The following MTMR7 variants were observed in gnomAD, a reference collection of about 807,000 sequenced individuals.
MTMR7 encodes phosphatidylinositol-3-phosphate phosphatase MTMR7.
Under a neutral mutation model 81.2 loss-of-function variants are expected in MTMR7, and 76 were observed. The ratio of observed to expected loss-of-function variants is 0.94; its 90% CI spans 0.78 to 1.13. The LOEUF (loss-of-function observed/expected upper bound fraction) is 1.13, where lower values mean the gene tolerates loss of function less well. Ranked by LOEUF, MTMR7 falls within the 50% of genes most tolerant of loss-of-function variation. MTMR7 has a pLI of 0.00. For synonymous variants in MTMR7, 372 were observed against 289.8 expected, an observed-to-expected ratio of 1.28 and a Z score of -2.88; for missense variants, 1,044 against 820.0, an observed-to-expected ratio of 1.27 and a Z score of -3.34.
In MTMR7 at chr8:17,373,186, T is replaced by A. The variant is rs1330936039; in HGVS notation, c.79A>T (p.Thr27Ser). ...RVSPKKAALGTLYLTATHVIF... is the reference protein window; with the variant it reads ...RVSPKKAALGSLYLTATHVIF... Reference sequence around the variant, plus strand: ...ACATGGGTAGCCGTCAAATACAAAGTACCTAGAGCTGCTTTTTTAGGAGAC... The same window carrying A: ...ACATGGGTAGCCGTCAAATACAAAGAACCTAGAGCTGCTTTTTTAGGAGAC... The change falls in exon 2 of 14, where the codon ACT becomes TCT. Residue 27 changes from threonine (T) to serine (S), a missense_variant. Physicochemically the swap from Thr to Ser is moderately conservative, Grantham distance 58 (BLOSUM62 1). Transcript: ENST00000180173. 1.2e-6 allele frequency: 2 copies of A among 1,613,726 alleles called. No individual in the cohort carries two copies. The highest frequency in any genetic ancestry group is 4.5e-5 in the East Asian group (2 of 44,884).
intron 5 of MTMR7, among the ~76,000 whole-genome samples, chr8:17,347,146 G>C (rs543661278): frequency 6.7e-6 from 1 of 149,652 alleles, no homozygotes; most frequent in South Asian, 2.1e-4. Flanking sequence ...AGTGAGCCAA[G>C]ATTGTGCCAC....
At chr8:17,373,319 T>G in intron 1 of MTMR7, 79 bp from the exon 2 acceptor site, 4 of 1,472,614 alleles carry the variant, frequency 2.7e-6, no homozygotes, top group Admixed American at 4.5e-5. Flanking sequence ...CAGGGTAAAC[T>G]CACACTTACT....
At chr8:17,328,401 C>G (rs911552574) in intron 7 of MTMR7, among the ~76,000 whole-genome samples, 2 of 152,164 alleles carry the variant, frequency 1.3e-5, no homozygotes, top group African/African-American at 4.8e-5. Context: ...CTATTCCAGG[C>G]TCTTCTACGG....
At chr8:17,338,258 T>C (rs1438472187) in intron 6 of MTMR7, among the ~76,000 whole-genome samples, 18 of 152,218 alleles carry the variant, frequency 1.2e-4, no homozygotes, top group Admixed American at 4.6e-4. Context: ...GCACTAAATA[T>C]ACCCTTCAAA....
intron 1 of MTMR7, among the ~76,000 whole-genome samples, chr8:17,395,200 G>A (rs918646773): frequency 6.6e-6 from 1 of 151,922 alleles, no homozygotes; most frequent in Non-Finnish European, 1.5e-5. Flanking sequence ...TATTTCACTT[G>A]TCTTCAATGT....
intron 3 of MTMR7, among the ~76,000 whole-genome samples, chr8:17,369,647 T>C (rs1011906988): frequency 7.1e-4 from 91 of 128,756 alleles, no homozygotes; most frequent in South Asian, 4.0e-3. Flanking sequence ...TTTTCTTTTT[T>C]TTTTTTTTTT....
Position 17,299,628 on chromosome 8 carries a change from G to C in MTMR7, c.*234C>G. ...CAGTGAATATAATTTTCATAGTCTA[G>C]GGTGAGCTTCAAAATGGTGAATAAT... On this transcript the variant is annotated 3_prime_UTR_variant, in exon 14 of 14. Transcript: ENST00000180173. 3.7e-6 allele frequency: 2 copies of C among 542,330 alleles called. No individual in the cohort carries two copies. The highest frequency in any genetic ancestry group is 6.5e-5 in the East Asian group (2 of 30,982). 33.6% of individuals were successfully genotyped at this position (542,330 alleles called of 1,614,324 possible).
At chr8:17,366,671 G>A (rs1351558345) in intron 3 of MTMR7, among the ~76,000 whole-genome samples, 1 of 152,098 alleles carries the variant, frequency 6.6e-6, no homozygotes, top group East Asian at 1.9e-4. Context: ...CGGATCATGA[G>A]GTCAGGAGGT....
intron 6 of MTMR7, among the ~76,000 whole-genome samples, chr8:17,336,641 G>A (rs531314476): frequency 3.9e-5 from 6 of 152,278 alleles, no homozygotes; most frequent in South Asian, 2.1e-4. Flanking sequence ...GTGAAATCAC[G>A]GGGCAGAACC....
chr8:17,300,392 G>A, intron 13 of MTMR7, 168 bp from the exon 14 acceptor site: 1 of 667,920 alleles, frequency 1.5e-6, no homozygotes, highest in Non-Finnish European at 2.5e-6. Context: ...GACAAAATCT[G>A]TGAGGCCTGC....
At chr8:17,372,946 C>G in intron 2 of MTMR7, 172 bp downstream of exon 2, 6 of 659,632 alleles carry the variant, frequency 9.1e-6, no homozygotes, top group South Asian at 6.6e-5. Flanking sequence ...AATAGTCGAT[C>G]AAGTAGATAC....
intron 1 of MTMR7, among the ~76,000 whole-genome samples, chr8:17,396,924 C>T (rs1013813734): frequency 2.0e-5 from 3 of 151,938 alleles, no homozygotes; most frequent in Non-Finnish European, 2.9e-5. Flanking sequence ...TTGTGAGGCC[C>T]CCATTCCAGG....
At chr8:17,312,475 TGA>T (rs1300047424) in intron 8 of MTMR7, among the ~76,000 whole-genome samples, 1 of 148,582 alleles carries the variant, frequency 6.7e-6, no homozygotes, top group Non-Finnish European at 1.5e-5. Flanking sequence ...CTTGGGAGGC[TGA>T]GACAGAAGAA....
At position 17,313,460 on chromosome 8, in the gene MTMR7, A is replaced by T. The variant is rs965812909; in HGVS notation, c.866-59T>A. On this transcript the variant is annotated intron_variant, in intron 7 of 13. Transcript: ENST00000180173. ...AAGGTACTCTCTCATTTTACATATG[A>T]TCATGTTTTATAGGTAGTTTGTTAA... is the stretch of plus-strand genomic sequence containing the variant. The T allele has an allele frequency of 1.0e-5, 11 of 1,086,022 alleles. No individual in the cohort carries two copies. In the African/African-American group the frequency reaches 1.4e-4, roughly 14 times the overall value. 67.3% of individuals were successfully genotyped at this position (1,086,022 alleles called of 1,614,324 possible). A position where few individuals can be genotyped will look rare whatever the true frequency, so the allele number is the denominator to read the frequency against.
At chr8:17,375,484 T>TGTTTTG (rs1363269142) in intron 1 of MTMR7, among the ~76,000 whole-genome samples, 1 of 144,612 alleles carries the variant, frequency 6.9e-6, no homozygotes, top group South Asian at 3.5e-4. Context: ...GCTTATGTTT[T>TGTTTTG]TTTTTTTTTT....
chr8:17,354,683 T>A (rs879437269), intron 4 of MTMR7, among the ~76,000 whole-genome samples: 10 of 152,176 alleles, frequency 6.6e-5, no homozygotes, highest in Non-Finnish European at 1.3e-4. Context: ...TCAAAGGATT[T>A]GTGAGAAGAA....
chr8:17,342,990 T>G (rs4921540), intron 5 of MTMR7, among the ~76,000 whole-genome samples: 15,055 of 151,912 alleles, frequency 0.099, 1,841 homozygotes, highest in East Asian at 0.63. Flanking sequence ...AGACCAGAAA[T>G]CAAATGACAC....
At chr8:17,384,707 T>C (rs76491595) in intron 1 of MTMR7, among the ~76,000 whole-genome samples, 15,334 of 152,276 alleles carry the variant, frequency 0.1, 1,325 homozygotes, top group African/African-American at 0.23. Flanking sequence ...AAAGCACTTT[T>C]TTCCTATTTA....
chr8:17,300,069 C>T lies in MTMR7; in HGVS notation c.1776G>A (p.Arg592=). The T allele has an allele frequency of 1.9e-6, 3 of 1,614,080 alleles. No homozygotes were observed. Among genetic ancestry groups the T allele is most frequent in the Non-Finnish European group, 2.5e-6 (3 of 1,180,004 alleles). The change falls in exon 14 of 14, where the codon CGG becomes CGA. Residue 592 remains arginine (R), a synonymous_variant. Transcript: ENST00000180173. ...YSGNMKSFPS[R]SPSQGDEDSA... is the part of the protein sequence containing the mutation. ...AATCTTCATCGCCTTGTGAAGGGCT[C>T]CGGGATGGAAATGATTTCATATTCC...
Sources: gnomAD v4.1 joint callset for allele counts (sites outside exome capture counted in the v4.1 genomes callset) on GRCh38, gnomAD v4.1.1 for gene constraint, MANE v1.5 for transcripts, NCBI Gene and HGNC (gene_info 2026-07-23, HGNC 2026-07-21) for gene names.